LTBP1: variants seen among roughly 807,000 people sequenced by gnomAD.
LTBP1 encodes the protein latent transforming growth factor beta binding protein 1.
Under a neutral mutation model 207.6 loss-of-function variants are expected in LTBP1, and 129 were observed. The ratio of observed to expected loss-of-function variants is 0.62; its 90% CI spans 0.54 to 0.72. The LOEUF is 0.72. Ranked by LOEUF, LTBP1 falls within the 30% of genes least tolerant of loss-of-function variation. LTBP1 has a pLI of 0.00. For synonymous variants in LTBP1, 963 were observed against 833.7 expected, an observed-to-expected ratio of 1.16 and a Z score of -2.67; for missense variants, 2,281 against 2,217.2, an observed-to-expected ratio of 1.03 and a Z score of -0.58.
intron 22 of LTBP1, among the ~76,000 whole-genome samples, chr2:33,301,902 C>G (rs1449236860): frequency 6.6e-6 from 1 of 152,152 alleles, no homozygotes; most frequent in African/African-American, 2.4e-5. Flanking sequence ...ACTTTACCAG[C>G]TATAGATGGT....
At chr2:33,289,140 T>C (rs142718170) in intron 19 of LTBP1, among the ~76,000 whole-genome samples, 118 of 152,316 alleles carry the variant, frequency 7.7e-4, no homozygotes, top group African/African-American at 2.6e-3. Context: ...TGTTAGAGTC[T>C]CTCTGGGCAC....
In LTBP1 at chr2:33,124,572, C is replaced by T. The variant is rs147285874; in HGVS notation, c.1034-10221C>T. 3.0e-3 allele frequency among the ~76,000 whole-genome samples: 461 copies of T among 152,318 alleles called. 2 individuals carry two copies. The highest frequency in any genetic ancestry group is 4.7e-3 in the Non-Finnish European group (317 of 68,038). ...GTCCACAGTAGAATCTTGCTTTATT[C>T]TAGAGTCTTTAATAATAGTTATGAT... On this transcript the variant is annotated intron_variant, in intron 4 of 33. Coordinates refer to ENST00000404816, the MANE Select transcript of LTBP1 (RefSeq NM_206943.4).
At position 33,309,320 on chromosome 2, in the gene LTBP1, A is replaced by G. The variant is rs555527869; in HGVS notation, c.3482-114A>G. The stretch of plus-strand genomic sequence containing the variant: ...AAAGTTAAAAAGTTGTCATGTATTT[A>G]AAATTATGTATTATAAATGATGTAA... On this transcript the variant is annotated intron_variant, in intron 22 of 33. Coordinates refer to ENST00000404816, the MANE Select transcript of LTBP1 (RefSeq NM_206943.4). 1.2e-3 allele frequency: 829 copies of G among 674,414 alleles called. 1 individual carries two copies. The highest frequency in any genetic ancestry group is 1.6e-3 in the Non-Finnish European group (722 of 438,696). 41.8% of individuals were successfully genotyped at this position (674,414 alleles called of 1,614,324 possible).
intron 11 of LTBP1, 120 bp from the exon 12 acceptor site, chr2:33,257,164 G>A (rs1286154932): frequency 1.4e-6 from 1 of 710,228 alleles, no homozygotes; most frequent in Non-Finnish European, 2.2e-6. Context: ...TGTTTTTGAA[G>A]TTTTAAAATG....
At chr2:33,341,806 C>A (rs1322333155) in intron 24 of LTBP1, among the ~76,000 whole-genome samples, 1 of 150,268 alleles carries the variant, frequency 6.7e-6, no homozygotes, top group Admixed American at 6.6e-5. Flanking sequence ...TAGTAACTCT[C>A]CCCAAACTAA....
At chr2:32,951,414 G>C (rs187803655) in intron 2 of LTBP1, among the ~76,000 whole-genome samples, 44 of 152,342 alleles carry the variant, frequency 2.9e-4, no homozygotes, top group African/African-American at 9.6e-4. Context: ...ATTTAAAAGA[G>C]GGGACTTACT....
intron 2 of LTBP1, among the ~76,000 whole-genome samples, chr2:32,979,813 A>T (rs897554182): frequency 6.6e-6 from 1 of 152,208 alleles, no homozygotes; most frequent in African/African-American, 2.4e-5. Context: ...GTTAGGGTCT[A>T]TCTCTCTGTT....
intron 8 of LTBP1, among the ~76,000 whole-genome samples, chr2:33,220,110 G>A (rs779768609): frequency 6.6e-6 from 1 of 152,156 alleles, no homozygotes; most frequent in Non-Finnish European, 1.5e-5. Flanking sequence ...TTCAGGAAGG[G>A]CAATGTGGAC....
chr2:32,966,501 G>A (rs1393069084), intron 2 of LTBP1, among the ~76,000 whole-genome samples: 2 of 152,114 alleles, frequency 1.3e-5, no homozygotes. Flanking sequence ...CATTAAGTAT[G>A]GTGTTAGCTG....
At chr2:32,970,124 T>G (rs555162027) in intron 2 of LTBP1, among the ~76,000 whole-genome samples, 92 of 152,340 alleles carry the variant, frequency 6.0e-4, no homozygotes, top group African/African-American at 2.2e-3. Flanking sequence ...TGTTTGTGTT[T>G]TGCTTGTTAA....
chr2:33,005,404 G>A (rs768937707), intron 2 of LTBP1, among the ~76,000 whole-genome samples: 1 of 152,124 alleles, frequency 6.6e-6, no homozygotes, highest in Middle Eastern at 3.4e-3. Flanking sequence ...TTTCTTCCAG[G>A]TGCACCTTTC....
At chr2:33,016,703 GA>G (rs975935073) in intron 2 of LTBP1, among the ~76,000 whole-genome samples, 44 of 151,916 alleles carry the variant, frequency 2.9e-4, no homozygotes, top group African/African-American at 9.9e-4. Flanking sequence ...CAACTGATGG[GA>G]AAAAAAATAA....
At chr2:33,289,570 T>G (rs1014499378) in intron 19 of LTBP1, among the ~76,000 whole-genome samples, 2 of 152,152 alleles carry the variant, frequency 1.3e-5, no homozygotes, top group Non-Finnish European at 2.9e-5. Context: ...CTTGCTGTGG[T>G]GGCCAGACTG....
At chr2:33,213,649 A>T (rs751244126) in intron 7 of LTBP1, among the ~76,000 whole-genome samples, 4 of 152,190 alleles carry the variant, frequency 2.6e-5, no homozygotes, top group Non-Finnish European at 5.9e-5. Flanking sequence ...GAGAGCCCTG[A>T]GTATGGCCAC....
intron 5 of LTBP1, among the ~76,000 whole-genome samples, chr2:33,179,230 GT>G (rs1375195358): frequency 2.0e-5 from 3 of 152,094 alleles, no homozygotes; most frequent in Non-Finnish European, 4.4e-5. Context: ...TATCATAAGT[GT>G]TAGTGTATTT....
At chr2:33,280,006 A>C in intron 18 of LTBP1, 33 bp from the exon 19 acceptor site, 1 of 1,610,970 alleles carries the variant, frequency 6.2e-7, no homozygotes, top group African/African-American at 1.3e-5. Context: ...TATTCTGATA[A>C]AATGTTCACG....
intron 3 of LTBP1, among the ~76,000 whole-genome samples, chr2:33,100,109 T>A (rs1240515203): frequency 6.6e-6 from 1 of 152,166 alleles, no homozygotes; most frequent in African/African-American, 2.4e-5. Flanking sequence ...AAAGGTTATG[T>A]CTGACATCTG....
At position 33,358,935 on chromosome 2, in the gene LTBP1, C is replaced by CA. The variant is rs2094896291; in HGVS notation, c.4001-1659dup. On this transcript the variant is annotated intron_variant, in intron 26 of 33. Coordinates refer to ENST00000404816, the MANE Select transcript of LTBP1 (RefSeq NM_206943.4). ...GAAGATCCGTTCCGTTAAGAGTACGCAAAGTGAATTTCAGTCCTCTGCACA... is the reference window on the plus strand; with the variant it reads ...GAAGATCCGTTCCGTTAAGAGTACGCAAAAGTGAATTTCAGTCCTCTGCACA... Among the ~76,000 whole-genome samples, 3 of 152,268 alleles carry CA rather than the reference C, an allele frequency of 2.0e-5. 1 individual carries two copies. The South Asian group carries it at 6.2e-4, about 32-fold the overall frequency.
chr2:33,255,813 C>A (rs1213112010), intron 11 of LTBP1, among the ~76,000 whole-genome samples: 1 of 152,086 alleles, frequency 6.6e-6, no homozygotes, highest in Admixed American at 6.5e-5. Context: ...CCCAGACATT[C>A]AATAGAAGAT....
Sources: gnomAD v4.1 joint callset for allele counts (sites outside exome capture counted in the v4.1 genomes callset) on GRCh38, gnomAD v4.1.1 for gene constraint, MANE v1.5 for transcripts, NCBI Gene and HGNC (gene_info 2026-07-23, HGNC 2026-07-21) for gene names.